LNPK: variants seen among roughly 807,000 people sequenced by gnomAD.
The protein encoded by LNPK is endoplasmic reticulum junction formation protein lunapark.
Under a neutral mutation model 55.2 loss-of-function variants are expected in LNPK, and 29 were observed. The ratio of observed to expected loss-of-function variants is 0.53; its 90% confidence interval spans 0.39 to 0.72. LNPK has a LOEUF of 0.72. LNPK is among the 30% of genes least tolerant of loss of function. The pLI is 0.00. For missense variants in LNPK, 467 were observed against 494.8 expected (o/e 0.94, Z 0.53); for synonymous variants, 162 against 168.2 (o/e 0.96, Z 0.29).
intron 4 of LNPK, among the ~76,000 whole-genome samples, chr2:175,987,384 G>A (rs71421543): frequency 0.013 from 1,923 of 152,306 alleles, 19 homozygotes; most frequent in Non-Finnish European, 0.02. Context: ...GGACATGGAT[G>A]AAACTGGAAA....
At position 175,995,565 on chromosome 2, in the gene LNPK, C is replaced by A. The variant is rs1410861603; in HGVS notation, c.20G>T (p.Arg7Leu). The change falls in exon 2 of 13, where the codon CGA (arginine) becomes CTA (leucine). Residue 7 changes from arginine to leucine, a missense_variant. By Grantham distance (102) the Arg-to-Leu change is moderately radical. Transcript: ENST00000272748. ...TAAAGAAAAGTACCTTACCCTCCAT[C>A]GAGAAAATAATCCACCCATCTTTTA... MGGLFS[R>L]WRTKPSTVEV... 1.9e-6 allele frequency: 3 copies of A among 1,609,746 alleles called. No homozygotes were observed. The East Asian group carries it at 6.7e-5, about 36-fold the overall frequency.
chr2:175,984,438 T>C (rs1436525823), intron 4 of LNPK, among the ~76,000 whole-genome samples: 2 of 152,094 alleles, frequency 1.3e-5, no homozygotes, highest in Admixed American at 1.3e-4. Context: ...TCTCCCAAAG[T>C]GCTGGGATTA....
At position 175,929,429 on chromosome 2, in the gene LNPK, G is replaced by C. The variant is rs544591167; in HGVS notation, c.*538C>G. The stretch of plus-strand genomic sequence containing the variant: ...TTAACTGTTCCACTGCATTCTTATT[G>C]AGAATTCGTACCAGTGCCTATGTGG... On this transcript the variant is annotated 3_prime_UTR_variant, in exon 13 of 13. Coordinates refer to ENST00000272748, the MANE Select transcript of LNPK (RefSeq NM_030650.3). The C allele has an allele frequency of 5.9e-5, 58 of 985,772 alleles. No individual in the cohort carries two copies. Among genetic ancestry groups the C allele is most frequent in the Middle Eastern group, 5.2e-4 (1 of 1,916 alleles). 61.1% of individuals were successfully genotyped at this position (985,772 alleles called of 1,614,324 possible).
At position 175,925,435 on chromosome 2, in the gene LNPK, A is replaced by G. The variant is rs934381417; in HGVS notation, c.*4532T>C. ...AAGCTCAAGAAGGCTGGGAGATGAG[A>G]AAAGACTGCATATGCAAAACACAGA... On this transcript the variant is annotated 3_prime_UTR_variant, in exon 13 of 13. Coordinates refer to ENST00000272748, the MANE Select transcript of LNPK (RefSeq NM_030650.3). The G allele has an allele frequency of 6.6e-6, 1 of 152,188 alleles. No individual in the cohort carries two copies. The highest frequency in any genetic ancestry group is 2.4e-5 in the African/African-American group (1 of 41,446). The allele number at this position is 152,188 out of a possible 1,614,324, so 9.4% of individuals were successfully genotyped here.
rs970745449 is a variant in LNPK at position 175,927,147 on chromosome 2, G to A, written c.*2820C>T. 6.6e-6 allele frequency: 1 copy of A among 152,134 alleles called. No homozygotes were observed. The highest frequency in any genetic ancestry group is 1.5e-5 in the Non-Finnish European group (1 of 68,028). 9.4% of individuals were successfully genotyped at this position (152,134 alleles called of 1,614,324 possible). Reference sequence around the variant, plus strand: ...GCCAGAGAAATAAGAGAATAATAGTGTGATATATGAAAAGCCAAAAGAAAA... The same window carrying A: ...GCCAGAGAAATAAGAGAATAATAGTATGATATATGAAAAGCCAAAAGAAAA... On this transcript the variant is annotated 3_prime_UTR_variant, in exon 13 of 13. Transcript: ENST00000272748.
chr2:175,961,887 C>A (rs1686047746), intron 8 of LNPK, among the ~76,000 whole-genome samples: 1 of 152,156 alleles, frequency 6.6e-6, no homozygotes. Context: ...GCAAAAATCA[C>A]AAGCATTCTT....
chr2:175,990,751 A>C (rs1687666256), intron 4 of LNPK, among the ~76,000 whole-genome samples: 1 of 152,182 alleles, frequency 6.6e-6, no homozygotes, highest in Non-Finnish European at 1.5e-5. Flanking sequence ...TGTGCTTCAA[A>C]AAGTGAAAAG....
intron 8 of LNPK, among the ~76,000 whole-genome samples, chr2:175,958,848 T>C (rs61355563): frequency 0.072 from 11,032 of 152,190 alleles, 433 homozygotes; most frequent in South Asian, 0.098. Context: ...AATGGCTAAC[T>C]AGAATAAACA....
intron 6 of LNPK, among the ~76,000 whole-genome samples, chr2:175,968,967 G>A (rs1444732245): frequency 1.3e-5 from 2 of 151,362 alleles, no homozygotes; most frequent in African/African-American, 2.4e-5. Flanking sequence ...GCAGTGACCC[G>A]AGATTGCACC....
intron 9 of LNPK, among the ~76,000 whole-genome samples, chr2:175,943,185 G>A (rs1202490467): frequency 6.9e-6 from 1 of 144,774 alleles, no homozygotes; most frequent in African/African-American, 2.6e-5. Context: ...ATTGGTCACA[G>A]TTTTTCTTAA....
chr2:175,961,276 T>G (rs1213067307), intron 8 of LNPK, among the ~76,000 whole-genome samples: 1 of 152,204 alleles, frequency 6.6e-6, no homozygotes, highest in Admixed American at 6.5e-5. Context: ...CCAATATCCC[T>G]GATGAACATC....
At chr2:175,986,173 T>C (rs1480219923) in intron 4 of LNPK, among the ~76,000 whole-genome samples, 1 of 152,126 alleles carries the variant, frequency 6.6e-6, no homozygotes, top group Non-Finnish European at 1.5e-5. Flanking sequence ...CATAAGGTAG[T>C]TCTCATTGCT....
At chr2:175,948,652 T>C (rs1377616624) in intron 8 of LNPK, among the ~76,000 whole-genome samples, 1 of 152,240 alleles carries the variant, frequency 6.6e-6, no homozygotes, top group African/African-American at 2.4e-5. Context: ...TCACATTAAA[T>C]TATCACAAAT....
At chr2:175,997,733 GTGTATAAA>G (rs1249884425) in intron 1 of LNPK, among the ~76,000 whole-genome samples, 1 of 129,694 alleles carries the variant, frequency 7.7e-6, no homozygotes, top group Non-Finnish European at 1.7e-5. Flanking sequence ...GTGTGTGTGT[GTGTATAAA>G]TATAATTTTT....
intron 8 of LNPK, among the ~76,000 whole-genome samples, chr2:175,956,059 C>G (rs548998202): frequency 1.5e-3 from 229 of 152,048 alleles, no homozygotes; most frequent in African/African-American, 5.3e-3. Context: ...GCTGATGGAT[C>G]GCTTGAGCCC....
intron 1 of LNPK, among the ~76,000 whole-genome samples, chr2:175,997,640 GCAC>G (rs1687989291): frequency 6.6e-6 from 1 of 151,312 alleles, no homozygotes; most frequent in Admixed American, 6.6e-5. Context: ...GAAATTAATG[GCAC>G]CAACAATATC....
At chr2:175,994,296 A>G (rs1687835396) in intron 2 of LNPK, 1 of 982,716 alleles carries the variant, frequency 1.0e-6, no homozygotes, top group African/African-American at 1.7e-5. Context: ...ATGAAAGACA[A>G]AACAAGAAGA....
At chr2:175,997,829 G>C (rs1021946646) in intron 1 of LNPK, among the ~76,000 whole-genome samples, 2 of 151,434 alleles carry the variant, frequency 1.3e-5, no homozygotes, top group East Asian at 3.9e-4. Flanking sequence ...TCCATCTCCA[G>C]CGTTAAAGCA....
chr2:175,936,279 C>T (rs995665452), intron 12 of LNPK, among the ~76,000 whole-genome samples: 1 of 152,048 alleles, frequency 6.6e-6, no homozygotes, highest in Non-Finnish European at 1.5e-5. Flanking sequence ...CAATTCAACA[C>T]ACACATTTTA....
Sources: gnomAD v4.1 joint callset for allele counts (sites outside exome capture counted in the v4.1 genomes callset) on GRCh38, gnomAD v4.1.1 for gene constraint, MANE v1.5 for transcripts, NCBI Gene and HGNC (gene_info 2026-07-23, HGNC 2026-07-21) for gene names.